Variants in DLGAP1 observed in about 807,000 individuals in gnomAD.
DLGAP1 encodes DLG associated protein 1.
DLGAP1 carries 11 observed loss-of-function variants against 90.8 expected under a neutral mutation model. The ratio of observed to expected loss-of-function variants is 0.12; its 90% CI spans 0.08 to 0.20. The LOEUF (loss-of-function observed/expected upper bound fraction) is 0.20, where lower values mean the gene tolerates loss of function less well. Ranked by LOEUF, DLGAP1 falls within the 10% of genes least tolerant of loss-of-function variation. DLGAP1 has a pLI of 1.00. For synonymous variants in DLGAP1, 558 were observed against 540.7 expected (o/e 1.03, Z -0.44); for missense variants, 1,050 against 1,333.8 (o/e 0.79, Z 3.31).
At chr18:3,921,406 A>T (rs1331302930) in intron 3 of DLGAP1, among the ~76,000 whole-genome samples, 2 of 152,254 alleles carry the variant, frequency 1.3e-5, no homozygotes. Context: ...CAGTATCTAC[A>T]CTAGTTAGAA....
At chr18:4,043,377 T>C (rs563929739) in intron 2 of DLGAP1, among the ~76,000 whole-genome samples, 2 of 152,344 alleles carry the variant, frequency 1.3e-5, no homozygotes, top group African/African-American at 2.4e-5. Flanking sequence ...TCTAATTCCA[T>C]GGTTTCTGGG....
chr18:3,525,106 AAC>A (rs2144275232), intron 10 of DLGAP1, among the ~76,000 whole-genome samples: 1 of 83,522 alleles, frequency 1.2e-5, no homozygotes, highest in East Asian at 2.9e-4. Context: ...AAAAAAAATC[AAC>A]AACATTATTT....
At chr18:3,894,330 A>T (rs1020716795) in intron 3 of DLGAP1, among the ~76,000 whole-genome samples, 1 of 152,124 alleles carries the variant, frequency 6.6e-6, no homozygotes, top group Non-Finnish European at 1.5e-5. Flanking sequence ...TTCTTCTAGA[A>T]TTTTTATTCT....
intron 7 of DLGAP1, chr18:3,593,896 G>A (rs1183355313): frequency 1.3e-5 from 2 of 151,862 alleles, no homozygotes; most frequent in African/African-American, 4.8e-5. Context: ...AGGCACCCAA[G>A]TTGTTTCAAC....
intron 4 of DLGAP1, among the ~76,000 whole-genome samples, chr18:3,836,883 C>T (rs1478206641): frequency 6.6e-6 from 1 of 152,122 alleles, no homozygotes; most frequent in East Asian, 1.9e-4. Context: ...TTTTGAAGAG[C>T]GTGGTAGATT....
At chr18:4,209,305 CTG>C (rs2077791414) in intron 1 of DLGAP1, among the ~76,000 whole-genome samples, 1 of 152,092 alleles carries the variant, frequency 6.6e-6, no homozygotes, top group African/African-American at 2.4e-5. Context: ...AAGAGACAAA[CTG>C]AAGTTACTCT....
intron 3 of DLGAP1, among the ~76,000 whole-genome samples, chr18:3,941,978 G>T (rs1421500820): frequency 2.6e-5 from 4 of 152,136 alleles, no homozygotes; most frequent in Non-Finnish European, 4.4e-5. Flanking sequence ...GCCTCCCAAA[G>T]AATTATAGGT....
At position 4,390,156 on chromosome 18, in the gene DLGAP1, C is replaced by T. The variant is rs1002877745; in HGVS notation, c.-267+64850G>A. Among the ~76,000 whole-genome samples the T allele has an allele frequency of 4.1e-5, 3 of 72,340 alleles. No individual in the cohort carries two copies. In the East Asian group the frequency reaches 1.6e-3, roughly 38 times the overall value. The allele number at this position is 72,340 out of a possible 152,430, so 47.5% of individuals were successfully genotyped here. ...GTCCCCATACCATGTTGGCCCATAA[C>T]AAATTGTGTGAAAAAAAAAAAGATG... is the stretch of plus-strand genomic sequence containing the variant. On this transcript the variant is annotated intron_variant, in intron 1 of 12. Transcript: ENST00000315677.
intron 1 of DLGAP1, among the ~76,000 whole-genome samples, chr18:4,312,880 G>A (rs535481477): frequency 7.2e-5 from 11 of 152,284 alleles, no homozygotes; most frequent in African/African-American, 2.4e-4. Context: ...TAGGGAAAAT[G>A]AAAGTCATTT....
At chr18:4,391,667 C>T (rs904277683) in intron 1 of DLGAP1, among the ~76,000 whole-genome samples, 3 of 152,106 alleles carry the variant, frequency 2.0e-5, no homozygotes, top group Non-Finnish European at 2.9e-5. Context: ...GAAGCATAAA[C>T]CTTCAGGATT....
intron 5 of DLGAP1, among the ~76,000 whole-genome samples, chr18:3,744,292 TAAA>T (rs1335327433): frequency 6.6e-6 from 1 of 152,102 alleles, no homozygotes; most frequent in Non-Finnish European, 1.5e-5. Context: ...TAACAATACA[TAAA>T]TTAACAGCTT....
chr18:3,916,191 A>G (rs1466596994), intron 3 of DLGAP1, among the ~76,000 whole-genome samples: 4 of 152,198 alleles, frequency 2.6e-5, no homozygotes, highest in Non-Finnish European at 5.9e-5. Context: ...GCCCAAGGAC[A>G]GGGACGCTGC....
chr18:3,744,683 T>G (rs1195507753), intron 5 of DLGAP1, among the ~76,000 whole-genome samples: 1 of 152,094 alleles, frequency 6.6e-6, no homozygotes, highest in African/African-American at 2.4e-5. Flanking sequence ...GTAGCCGGAA[T>G]GACACACGCA....
chr18:4,137,723 G>C (rs759815762), intron 2 of DLGAP1, among the ~76,000 whole-genome samples: 9 of 152,040 alleles, frequency 5.9e-5, no homozygotes, highest in Non-Finnish European at 1.2e-4. Context: ...TGGATAGTAT[G>C]GACATTTTAA....
rs976609149 is a variant in DLGAP1 at position 4,454,570 on chromosome 18, A to C, written c.-267+436T>G. ...AAACGACCCAGGAGCCTGCCGAGAA[A>C]GCCCTGCGGGGAGCAGCCCCCTCCT... On this transcript the variant is annotated intron_variant, in intron 1 of 12. Coordinates refer to ENST00000315677, the MANE Select transcript of DLGAP1 (RefSeq NM_004746.4). This position sits in a 1 kb window ranked among gnomAD's most constrained non-coding sequence, Gnocchi z 4.7. 1.3e-5 allele frequency among the ~76,000 whole-genome samples: 2 copies of C among 151,914 alleles called. No homozygotes were observed. Among genetic ancestry groups the C allele is most frequent in the Non-Finnish European group, 2.9e-5 (2 of 67,948 alleles).
At chr18:4,420,256 T>A (rs1010324151) in intron 1 of DLGAP1, among the ~76,000 whole-genome samples, 5 of 152,188 alleles carry the variant, frequency 3.3e-5, no homozygotes, top group African/African-American at 1.2e-4. Flanking sequence ...TTTTCTCTCA[T>A]AATTGACAGA....
At chr18:3,639,847 T>G (rs4629070) in intron 7 of DLGAP1, among the ~76,000 whole-genome samples, 1 of 130,100 alleles carries the variant, frequency 7.7e-6, no homozygotes, top group African/African-American at 2.9e-5. Flanking sequence ...CTCCGCCTCC[T>G]GGGTTCACGC....
At chr18:3,657,603 CTT>C (rs1156440850) in intron 7 of DLGAP1, among the ~76,000 whole-genome samples, 36 of 134,270 alleles carry the variant, frequency 2.7e-4, no homozygotes, top group East Asian at 4.3e-4. Context: ...CCATGGAATT[CTT>C]TTTTTTTTTT....
intron 7 of DLGAP1, among the ~76,000 whole-genome samples, chr18:3,692,088 G>A (rs1227428812): frequency 1.3e-5 from 2 of 152,114 alleles, no homozygotes; most frequent in African/African-American, 4.8e-5. Flanking sequence ...TCAAGAAAGA[G>A]CTATCCTTAG....
Sources: gnomAD v4.1 joint callset for allele counts (sites outside exome capture counted in the v4.1 genomes callset) on GRCh38, gnomAD v4.1.1 for gene constraint, Gnocchi (gnomAD v3.1) non-coding constraint, MANE v1.5 for transcripts, NCBI Gene and HGNC (gene_info 2026-07-23, HGNC 2026-07-21) for gene names.